PDE10A: variants seen among roughly 807,000 people sequenced by gnomAD.
PDE10A encodes the protein cAMP and cAMP-inhibited cGMP 3',5'-cyclic phosphodiesterase 10A.
A neutral mutation model predicts 97.7 loss-of-function variants in PDE10A; 39 were observed. The ratio of observed to expected loss-of-function variants is 0.40; its 90% confidence interval spans 0.31 to 0.52. The LOEUF is 0.52. Ranked by LOEUF, PDE10A falls within the 20% of genes least tolerant of loss-of-function variation. The pLI, the probability that PDE10A is intolerant of heterozygous loss-of-function variation, is 0.56. For synonymous variants in PDE10A, 371 were observed against 376.8 expected (o/e 0.98, Z 0.18); for missense variants, 731 against 1,047.8 (o/e 0.70, Z 4.17).
intron 1 of PDE10A, among the ~76,000 whole-genome samples, chr6:165,654,773 G>A (rs914236406): frequency 2.4e-4 from 36 of 152,064 alleles, no homozygotes; most frequent in African/African-American, 6.5e-4. Flanking sequence ...GCAATCTCCC[G>A]ACCGAGGCCA....
intron 2 of PDE10A, among the ~76,000 whole-genome samples, chr6:165,540,346 T>C (rs1783356001): frequency 6.6e-6 from 1 of 152,238 alleles, no homozygotes; most frequent in Admixed American, 6.5e-5. Flanking sequence ...TTTTTTCTTT[T>C]ATTATTATTT....
intron 1 of PDE10A, among the ~76,000 whole-genome samples, chr6:165,982,674 CTA>C (rs1265229303): frequency 1.3e-5 from 2 of 152,080 alleles, no homozygotes; most frequent in Non-Finnish European, 2.9e-5. Context: ...TGAAAAAAGA[CTA>C]ATATAAAAAG....
chr6:165,610,489 C>T (rs1254745469), intron 1 of PDE10A, among the ~76,000 whole-genome samples: 2 of 150,726 alleles, frequency 1.3e-5, no homozygotes, highest in African/African-American at 4.9e-5. Flanking sequence ...TGAGATCGCG[C>T]CACTGCACTC....
chr6:165,751,107 C>T (rs550330483), intron 1 of PDE10A, among the ~76,000 whole-genome samples: 2 of 152,266 alleles, frequency 1.3e-5, no homozygotes, highest in Admixed American at 6.5e-5. Context: ...CAGTGGGTGC[C>T]GTCTTCACCT....
intron 1 of PDE10A, among the ~76,000 whole-genome samples, chr6:165,732,866 G>T (rs1039001): frequency 6.6e-6 from 1 of 151,998 alleles, no homozygotes; most frequent in Non-Finnish European, 1.5e-5. Context: ...GCATCTGTCC[G>T]CTGGCCACCA....
chr6:165,543,346 T>C, intron 2 of PDE10A, 94 bp downstream of exon 2: 1 of 995,016 alleles, frequency 1.0e-6, no homozygotes, highest in Non-Finnish European at 1.4e-6. Flanking sequence ...ATTTGTCTAC[T>C]TTATATTTCA....
intron 1 of PDE10A, among the ~76,000 whole-genome samples, chr6:165,901,628 C>T (rs1177534698): frequency 3.3e-5 from 5 of 152,152 alleles, no homozygotes; most frequent in Admixed American, 2.0e-4. Context: ...CACGGAGAAA[C>T]TCTGTCTCTA....
intron 1 of PDE10A, among the ~76,000 whole-genome samples, chr6:165,678,081 ATGTG>A (rs751505702): frequency 1.2e-3 from 173 of 143,404 alleles, no homozygotes; most frequent in Middle Eastern, 3.7e-3. Flanking sequence ...TTGTATAGCT[ATGTG>A]TGTGTATTAA....
chr6:165,764,852 A>T (rs936118794), intron 1 of PDE10A, among the ~76,000 whole-genome samples: 8 of 152,146 alleles, frequency 5.3e-5, no homozygotes, highest in African/African-American at 1.9e-4. Flanking sequence ...TGGCTCGGGC[A>T]GCCTGCTTTT....
rs1784078881 is a variant in PDE10A at position 165,954,787 on chromosome 6, AGCTGG to A, written c.-615+32737_-615+32741del. On this transcript the variant is annotated intron_variant, in intron 1 of 19. Transcript: ENST00000366882. ...CACAGCCTTGGCTTTCTATCTCACT[AGCTGG>A]GCCCTGTCCCATGGCTACCTCTGTG... Among the ~76,000 whole-genome samples, 6 of 152,124 alleles carry A rather than the reference AGCTGG, an allele frequency of 3.9e-5. No homozygotes were observed. In the South Asian group the frequency reaches 1.2e-3, roughly 32 times the overall value.
At chr6:165,742,326 T>C (rs1034407052) in intron 1 of PDE10A, among the ~76,000 whole-genome samples, 4 of 152,172 alleles carry the variant, frequency 2.6e-5, no homozygotes, top group Non-Finnish European at 5.9e-5. Flanking sequence ...CTGTTTCCCG[T>C]CCTTTGCATA....
At chr6:165,882,265 G>T (rs1297315159) in intron 1 of PDE10A, among the ~76,000 whole-genome samples, 1 of 152,194 alleles carries the variant, frequency 6.6e-6, no homozygotes, top group Admixed American at 6.5e-5. Flanking sequence ...TGATACATCT[G>T]TCTGAGCAGC....
chr6:165,610,448 G>A (rs562915147), intron 1 of PDE10A, among the ~76,000 whole-genome samples: 10 of 151,408 alleles, frequency 6.6e-5, no homozygotes, highest in South Asian at 4.2e-4. Context: ...GGAGAATAGC[G>A]TGAACCCAGG....
intron 1 of PDE10A, among the ~76,000 whole-genome samples, chr6:165,672,843 G>A (rs528200537): frequency 4.6e-5 from 7 of 152,260 alleles, no homozygotes; most frequent in East Asian, 3.9e-4. Context: ...CTCGAAGAAC[G>A]GTTTCTCCTG....
At chr6:165,477,936 A>G (rs1161171613) in intron 3 of PDE10A, among the ~76,000 whole-genome samples, 1 of 151,944 alleles carries the variant, frequency 6.6e-6, no homozygotes, top group Non-Finnish European at 1.5e-5. Context: ...CTTCTCCACC[A>G]CTCAACAAGT....
At chr6:165,682,016 C>A (rs1227764100) in intron 1 of PDE10A, among the ~76,000 whole-genome samples, 3 of 152,224 alleles carry the variant, frequency 2.0e-5, no homozygotes, top group South Asian at 2.1e-4. Flanking sequence ...ATCGTGAACG[C>A]CCTCTAAGTC....
chr6:165,488,982 T>C (rs1780076258), intron 2 of PDE10A, among the ~76,000 whole-genome samples: 1 of 152,240 alleles, frequency 6.6e-6, no homozygotes, highest in Non-Finnish European at 1.5e-5. Flanking sequence ...GGTCTTTCTC[T>C]ACCTGCCCTG....
rs1394551999 is a variant in PDE10A at position 165,708,772 on chromosome 6, C to G, written c.-614-165204G>C. Among the ~76,000 whole-genome samples the G allele has an allele frequency of 2.2e-5, 3 of 137,756 alleles. No homozygotes were observed. The East Asian group carries it at 7.0e-4, about 32-fold the overall frequency. The allele number at this position is 137,756 out of a possible 152,430, so 90.4% of individuals were successfully genotyped here. A position where few individuals can be genotyped will look rare whatever the true frequency, so the allele number is the denominator to read the frequency against. On this transcript the variant is annotated intron_variant, in intron 1 of 19. Transcript: ENST00000366882. ...CACCGCCATGCTGCCACGCTCACCCCCCACTCTCCACCCACATGCTGCCGC... is the reference window on the plus strand; with the variant it reads ...CACCGCCATGCTGCCACGCTCACCCGCCACTCTCCACCCACATGCTGCCGC...
intron 1 of PDE10A, among the ~76,000 whole-genome samples, chr6:165,857,993 C>A (rs1780796170): frequency 6.6e-6 from 1 of 152,058 alleles, no homozygotes; most frequent in African/African-American, 2.4e-5. Context: ...ACATATTTGT[C>A]CTGTTTGTTT....
Sources: allele counts gnomAD v4.1 joint callset (sites outside exome capture counted in the v4.1 genomes callset), GRCh38; gene constraint gnomAD v4.1.1; transcripts MANE v1.5; gene names NCBI Gene and HGNC (gene_info 2026-07-23, HGNC 2026-07-21).